RANBP2: variants seen among roughly 807,000 people sequenced by gnomAD.
The protein encoded by RANBP2 is RAN binding protein 2, also known as E3 SUMO-protein ligase RanBP2.
A neutral mutation model predicts 303.6 loss-of-function variants in RANBP2; 57 were observed. The ratio of observed to expected loss-of-function variants is 0.19; its 90% CI spans 0.15 to 0.23. The LOEUF (loss-of-function observed/expected upper bound fraction) is 0.23, where lower values mean the gene tolerates loss of function less well. RANBP2 is among the 10% of genes least tolerant of loss of function. The pLI is 1.00. For missense variants in RANBP2, 3,138 were observed against 3,780.8 expected, an observed-to-expected ratio of 0.83 and a Z score of 4.46; for synonymous variants, 1,167 against 1,301.5, an observed-to-expected ratio of 0.90 and a Z score of 2.23.
At chr2:109,178,652 A>G in the RANBP2 span, among the ~76,000 whole-genome samples, 3 of 152,176 alleles carry the variant, frequency 2.0e-5, no homozygotes, top group Non-Finnish European at 4.4e-5. Flanking sequence ...TTTATGGATC[A>G]TGCTCCTCTT....
At chr2:109,432,633 T>C in the RANBP2 span, 1 of 1,613,012 alleles carries the variant, frequency 6.2e-7, no homozygotes, top group Non-Finnish European at 8.5e-7. Context: ...CCGGGGTCTC[T>C]GGGGTGTTCC....
chr2:109,689,133 C>T, the RANBP2 span, among the ~76,000 whole-genome samples: 1 of 152,106 alleles, frequency 6.6e-6, no homozygotes, highest in Non-Finnish European at 1.5e-5. Flanking sequence ...TCTTGAACTC[C>T]TGACCTCAGG....
the RANBP2 span, among the ~76,000 whole-genome samples, chr2:109,623,310 C>A: frequency 6.6e-6 from 1 of 152,172 alleles, no homozygotes; most frequent in African/African-American, 2.4e-5. Context: ...TCCTCTGTGC[C>A]CCTGCATGTC....
the RANBP2 span, among the ~76,000 whole-genome samples, chr2:109,055,236 G>T: frequency 6.6e-6 from 1 of 152,130 alleles, no homozygotes; most frequent in East Asian, 1.9e-4. Flanking sequence ...CCCTTTTAAA[G>T]AATTGGGTTG....
the RANBP2 span, among the ~76,000 whole-genome samples, chr2:109,446,210 C>T: frequency 7.9e-5 from 12 of 152,198 alleles, no homozygotes; most frequent in Admixed American, 2.0e-4. Context: ...TGCTTTCTCA[C>T]GCTACAGTTT....
chr2:109,079,187 C>T, the RANBP2 span, among the ~76,000 whole-genome samples: 1 of 152,170 alleles, frequency 6.6e-6, no homozygotes, highest in Admixed American at 6.5e-5. Context: ...CAACTAAAGA[C>T]GAGGAGGATG....
chr2:108,732,948 C>T (rs10198015), intron 4 of RANBP2, among the ~76,000 whole-genome samples: 4,222 of 152,180 alleles, frequency 0.028, 194 homozygotes, highest in African/African-American at 0.094. Flanking sequence ...CTCAGCCTTC[C>T]GGGTAGCTGG....
Position 108,748,985 on chromosome 2 carries a change from G to C in RANBP2, c.1129G>C (p.Ala377Pro). The part of the protein sequence containing the change: ...DFLKEIVETF[A>P]NKSGQSALYD... Reference sequence around the variant, plus strand: ...TTTAAAAGAGATTGTTGAAACTTTTGCCAACAAAAGCGGGCAGTCTGCATT... The same window carrying C: ...TTTAAAAGAGATTGTTGAAACTTTTCCCAACAAAAGCGGGCAGTCTGCATT... Residue 377 changes from alanine (A) to proline (P), a missense_variant, in exon 9 of 29, where the codon GCC becomes CCC. Transcript: ENST00000283195. The C allele has an allele frequency of 6.2e-7, 1 of 1,611,858 alleles. No homozygotes were observed. The highest frequency in any genetic ancestry group is 1.1e-5 in the South Asian group (1 of 90,982).
chr2:109,420,590 T>C, the RANBP2 span, among the ~76,000 whole-genome samples: 1,022 of 152,128 alleles, frequency 6.7e-3, 2 homozygotes, highest in Non-Finnish European at 0.011. Context: ...GGACTACAGG[T>C]GCCAGCCACC....
chr2:109,658,187 C>A, the RANBP2 span, among the ~76,000 whole-genome samples: 6 of 152,092 alleles, frequency 3.9e-5, no homozygotes, highest in East Asian at 7.8e-4. Context: ...GTGGCTCATG[C>A]CTGTAATCCC....
At chr2:108,719,810 T>C (rs1694069415) in intron 1 of RANBP2, 132 bp downstream of exon 1, 3 of 1,458,068 alleles carry the variant, frequency 2.1e-6, no homozygotes, top group African/African-American at 1.5e-5. Context: ...GCTGGCGCAG[T>C]CCTGTGGGCG....
At position 108,763,922 on chromosome 2, in the gene RANBP2, G is replaced by A. The variant is rs1241427741; in HGVS notation, c.3383G>A (p.Ser1128Asn). The stretch of plus-strand genomic sequence containing the variant: ...CAAAAGAATTCTGGTTTTCGGCGAA[G>A]TGATGATATGTTTACTTTCCATGGT... ...SQQKNSGFRR[S>N]DDMFTFHGPG... The change falls in exon 20 of 29, where the codon AGT becomes AAT. Residue 1128 changes from serine (S) to asparagine (N), a missense_variant. Around this residue, in one of 20 missense-constraint regions of RANBP2, gnomAD observed 403 missense variants for 376.7 expected, o/e 1.07. Coordinates refer to ENST00000283195, the MANE Select transcript of RANBP2 (RefSeq NM_006267.5). 5.6e-6 allele frequency: 9 copies of A among 1,613,840 alleles called. No homozygotes were observed. The highest frequency in any genetic ancestry group is 1.6e-4 in the Middle Eastern group (1 of 6,084).
At chr2:109,432,577 C>T in the RANBP2 span, 2 of 1,613,642 alleles carry the variant, frequency 1.2e-6, no homozygotes, top group South Asian at 2.2e-5. Context: ...GTACCGGGTC[C>T]TCGAGAAGTG....
At chr2:109,356,180 G>A in the RANBP2 span, among the ~76,000 whole-genome samples, 1 of 152,240 alleles carries the variant, frequency 6.6e-6, no homozygotes, top group Admixed American at 6.5e-5. Context: ...GGTACAGGGA[G>A]TGGCTGACTT....
the RANBP2 span, among the ~76,000 whole-genome samples, chr2:109,611,851 G>A: frequency 6.6e-6 from 1 of 152,182 alleles, no homozygotes; most frequent in Admixed American, 6.5e-5. Context: ...GTAAGGATGT[G>A]CAGAAACTGG....
At chr2:108,889,846 C>G in the RANBP2 span, among the ~76,000 whole-genome samples, 2 of 151,856 alleles carry the variant, frequency 1.3e-5, no homozygotes, top group African/African-American at 4.8e-5. Context: ...TTCTTTGTTC[C>G]TTTCTTTTTC....
At chr2:109,170,105 T>G in the RANBP2 span, among the ~76,000 whole-genome samples, 1 of 152,234 alleles carries the variant, frequency 6.6e-6, no homozygotes, top group Non-Finnish European at 1.5e-5. Flanking sequence ...TCTACAAGTT[T>G]CCTTAGGCTA....
At chr2:109,570,345 C>T in the RANBP2 span, among the ~76,000 whole-genome samples, 1 of 152,070 alleles carries the variant, frequency 6.6e-6, no homozygotes, top group South Asian at 2.1e-4. Flanking sequence ...TATTGTAATG[C>T]TCATTAATGT....
At chr2:109,698,941 T>G in the RANBP2 span, among the ~76,000 whole-genome samples, 1 of 152,258 alleles carries the variant, frequency 6.6e-6, no homozygotes, top group South Asian at 2.1e-4. Context: ...AGAAAGAGCA[T>G]TGTACTTTGT....
Sources: gnomAD v4.1 joint callset for allele counts (sites outside exome capture counted in the v4.1 genomes callset) on GRCh38, gnomAD v4.1.1 for gene constraint, gnomAD v4.1.1 regional missense constraint, MANE v1.5 for transcripts, NCBI Gene and HGNC (gene_info 2026-07-23, HGNC 2026-07-21) for gene names.